The following CNTN6 variants were observed in gnomAD, a reference collection of about 807,000 sequenced individuals.
CNTN6 encodes the protein contactin 6.
CNTN6 carries 137 observed loss-of-function variants against 122.8 expected under a neutral mutation model. That is an observed-to-expected ratio of 1.12 (90% CI 0.97 to 1.29). The LOEUF is 1.29. CNTN6 is among the 50% of genes most tolerant of loss of function. The pLI is 0.00. For synonymous variants in CNTN6, 570 were observed against 426.0 expected (o/e 1.34, Z -4.16); for missense variants, 1,634 against 1,223.4 (o/e 1.34, Z -5.01).
At chr3:1,289,184 T>TC (rs927172030) in intron 5 of CNTN6, among the ~76,000 whole-genome samples, 1 of 151,932 alleles carries the variant, frequency 6.6e-6, no homozygotes, top group African/African-American at 2.4e-5. Flanking sequence ...GAAGGTTTTT[T>TC]TTTTCTTTCC....
rs545373895 is a variant in CNTN6 at position 1,157,933 on chromosome 3, T to G, written c.55+9870T>G. 5.3e-5 allele frequency among the ~76,000 whole-genome samples: 8 copies of G among 152,336 alleles called. No individual in the cohort carries two copies. In the East Asian group the frequency reaches 1.5e-3, roughly 29 times the overall value. ...TAGATTGTTTCCAAATTTTGGCTAT[T>G]GTGAATAGTGCTGCAACAAACATGG... On this transcript the variant is annotated intron_variant, in intron 2 of 22. Transcript: ENST00000446702.
chr3:1,246,934 T>G (rs1015438823), intron 4 of CNTN6, among the ~76,000 whole-genome samples: 1 of 152,216 alleles, frequency 6.6e-6, no homozygotes, highest in African/African-American at 2.4e-5. Context: ...TGTTGCTTTT[T>G]TGTGTAGGAA....
rs180685101 is a variant in CNTN6 at position 1,385,728 on chromosome 3, G to A, written c.2635G>A (p.Val879Ile). ...LKANTIYFAS[V>I]RAYNTAGTGP... ...AGCTAATACCATCTACTTTGCTTCCGTAAGAGCTTACAACACTGCTGGGAC... is the reference window on the plus strand; with the variant it reads ...AGCTAATACCATCTACTTTGCTTCCATAAGAGCTTACAACACTGCTGGGAC... Residue 879 changes from valine (V) to isoleucine (I), a missense_variant, in exon 20 of 23, where the codon GTA becomes ATA. Transcript: ENST00000446702. The A allele has an allele frequency of 1.4e-4, 226 of 1,614,052 alleles. 1 individual carries two copies. Among genetic ancestry groups the A allele is most frequent in the East Asian group, 1.1e-3 (49 of 44,876 alleles).
chr3:1,284,232 A>G (rs1449371714), intron 5 of CNTN6, among the ~76,000 whole-genome samples: 8 of 152,214 alleles, frequency 5.3e-5, no homozygotes, highest in Admixed American at 4.6e-4. Flanking sequence ...GATGTTGACA[A>G]TTCCACTTAA....
At chr3:1,263,273 A>G (rs940000169) in intron 4 of CNTN6, among the ~76,000 whole-genome samples, 5 of 152,190 alleles carry the variant, frequency 3.3e-5, no homozygotes, top group Non-Finnish European at 7.3e-5. Flanking sequence ...TCTGACTCCA[A>G]AGCCCAAACA....
At chr3:1,103,151 A>G (rs2091038844) in intron 1 of CNTN6, among the ~76,000 whole-genome samples, 1 of 152,182 alleles carries the variant, frequency 6.6e-6, no homozygotes, top group Non-Finnish European at 1.5e-5. Flanking sequence ...AGTTGTGCTG[A>G]GATGAAAAAG....
At chr3:1,402,580 T>C in intron 22 of CNTN6, 94 bp downstream of exon 22, 1 of 1,023,934 alleles carries the variant, frequency 9.8e-7, no homozygotes, top group East Asian at 2.6e-5. Flanking sequence ...ATGGCTTAAA[T>C]GTTGGGTGAT....
At chr3:1,244,882 G>A (rs1321965574) in intron 4 of CNTN6, among the ~76,000 whole-genome samples, 1 of 134,132 alleles carries the variant, frequency 7.5e-6, no homozygotes, top group Non-Finnish European at 1.6e-5. Flanking sequence ...AAGGGTGGGG[G>A]AGACTACAAA....
intron 2 of CNTN6, among the ~76,000 whole-genome samples, chr3:1,206,579 C>T (rs1211661171): frequency 6.6e-6 from 1 of 152,160 alleles, no homozygotes; most frequent in East Asian, 1.9e-4. Context: ...CCAAATGCAC[C>T]ATTGACCCCA....
intron 2 of CNTN6, among the ~76,000 whole-genome samples, chr3:1,153,659 G>A (rs1198718533): frequency 6.6e-6 from 1 of 152,142 alleles, no homozygotes; most frequent in Non-Finnish European, 1.5e-5. Context: ...AAGGGACATT[G>A]GAAAGTATTT....
In CNTN6 at chr3:1,348,157, C is replaced by CAAAAA. The variant is rs532282828; in HGVS notation, c.1365-4152_1365-4148dup. On this transcript the variant is annotated intron_variant, in intron 11 of 22. Coordinates refer to ENST00000446702, the MANE Select transcript of CNTN6 (RefSeq NM_001289080.2). ...AATATTAGTATTTCTATGCTATAGA[C>CAAAAA]AAAAAAAAAAAAAAAAAAAGGACTT... Among the ~76,000 whole-genome samples, 83 of 64,248 alleles carry CAAAAA rather than the reference C, an allele frequency of 1.3e-3. 2 individuals carry two copies. Among genetic ancestry groups the CAAAAA allele is most frequent in the Non-Finnish European group, 1.8e-3 (64 of 35,474 alleles). The allele number at this position is 64,248 out of a possible 152,430, so 42.1% of individuals were successfully genotyped here.
chr3:1,121,163 C>G (rs1326002643), intron 1 of CNTN6, among the ~76,000 whole-genome samples: 1 of 151,876 alleles, frequency 6.6e-6, no homozygotes, highest in Admixed American at 6.6e-5. Flanking sequence ...ACTCCCTTTC[C>G]TTTTTCTGTG....
chr3:1,270,185 C>T (rs1297670923), intron 4 of CNTN6, among the ~76,000 whole-genome samples: 1 of 152,096 alleles, frequency 6.6e-6, no homozygotes, highest in African/African-American at 2.4e-5. Context: ...AAACTGGTTT[C>T]AGTAGAGATA....
intron 5 of CNTN6, among the ~76,000 whole-genome samples, chr3:1,294,027 C>A (rs566242581): frequency 6.6e-6 from 1 of 152,156 alleles, no homozygotes; most frequent in Non-Finnish European, 1.5e-5. Context: ...TAAACTGATA[C>A]AACCACTTTA....
intron 20 of CNTN6, among the ~76,000 whole-genome samples, chr3:1,391,287 G>T (rs1330241503): frequency 8.2e-6 from 1 of 121,588 alleles, no homozygotes; most frequent in Admixed American, 8.5e-5. Flanking sequence ...CATATAAACA[G>T]AGCCAAAGAC....
At chr3:1,123,619 T>G (rs538432503) in intron 1 of CNTN6, among the ~76,000 whole-genome samples, 1 of 152,148 alleles carries the variant, frequency 6.6e-6, no homozygotes, top group African/African-American at 2.4e-5. Flanking sequence ...GATTATGCAA[T>G]CTGCAAATGG....
At chr3:1,316,853 T>C (rs1014226352) in intron 7 of CNTN6, among the ~76,000 whole-genome samples, 9 of 152,098 alleles carry the variant, frequency 5.9e-5, no homozygotes, top group African/African-American at 2.2e-4. Flanking sequence ...ACTGTCCATT[T>C]AGGATGGCTT....
intron 1 of CNTN6, among the ~76,000 whole-genome samples, chr3:1,142,424 A>G (rs1010666486): frequency 6.6e-6 from 1 of 152,124 alleles, no homozygotes; most frequent in African/African-American, 2.4e-5. Flanking sequence ...AGCTACTTCA[A>G]AATACAGGAC....
At chr3:1,347,843 G>A (rs1318946555) in intron 11 of CNTN6, among the ~76,000 whole-genome samples, 1 of 152,018 alleles carries the variant, frequency 6.6e-6, no homozygotes, top group East Asian at 1.9e-4. Context: ...TCACGGAAGG[G>A]TTTTAAGCAG....
Sources: allele counts gnomAD v4.1 joint callset (sites outside exome capture counted in the v4.1 genomes callset), GRCh38; gene constraint gnomAD v4.1.1; transcripts MANE v1.5; gene names NCBI Gene and HGNC (gene_info 2026-07-23, HGNC 2026-07-21).